CCDC148: variants seen among roughly 807,000 people sequenced by gnomAD.
CCDC148 encodes coiled-coil domain-containing protein 148.
A neutral mutation model predicts 85.7 loss-of-function variants in CCDC148; 89 were observed. The ratio of observed to expected loss-of-function variants is 1.04; its 90% CI spans 0.87 to 1.24. The LOEUF is 1.24. Ranked by LOEUF, CCDC148 falls within the 50% of genes most tolerant of loss-of-function variation. The pLI is 0.00. For synonymous variants in CCDC148, 230 were observed against 213.9 expected, an observed-to-expected ratio of 1.08 and a Z score of -0.66; for missense variants, 692 against 671.7, an observed-to-expected ratio of 1.03 and a Z score of -0.33.
At chr2:158,226,704 C>A (rs1194703903) in intron 10 of CCDC148, among the ~76,000 whole-genome samples, 1 of 152,112 alleles carries the variant, frequency 6.6e-6, no homozygotes, top group African/African-American at 2.4e-5. Flanking sequence ...ACGACAAAAA[C>A]CACATGATTA....
At chr2:158,425,029 C>A in intron 1 of CCDC148, 1 of 424,992 alleles carries the variant, frequency 2.4e-6, no homozygotes, top group Non-Finnish European at 4.7e-6. Flanking sequence ...GGTGCTGCAA[C>A]CAGTGAATGA....
chr2:158,254,331 G>GATATAC, intron 9 of CCDC148, among the ~76,000 whole-genome samples: 1 of 151,596 alleles, frequency 6.6e-6, no homozygotes, highest in South Asian at 2.1e-4. Context: ...TAACGTTAGA[G>GATATAC]ATATACACTT....
At chr2:158,179,465 G>C (rs6437146) in intron 11 of CCDC148, among the ~76,000 whole-genome samples, 43,901 of 151,754 alleles carry the variant, frequency 0.29, 7,306 homozygotes, top group East Asian at 0.59. Context: ...AACAACCAGA[G>C]AAATACAGGA....
At chr2:158,326,933 T>A (rs977422193) in intron 7 of CCDC148, among the ~76,000 whole-genome samples, 2 of 152,180 alleles carry the variant, frequency 1.3e-5, no homozygotes, top group Non-Finnish European at 2.9e-5. Context: ...ATTGCTTTGA[T>A]TACTTAACTA....
intron 1 of CCDC148, among the ~76,000 whole-genome samples, chr2:158,359,482 T>C (rs1007899813): frequency 6.6e-6 from 1 of 152,144 alleles, no homozygotes; most frequent in African/African-American, 2.4e-5. Context: ...CTGAGGTGCC[T>C]GGCTCATCTC....
At chr2:158,296,706 A>G (rs1459437962) in intron 9 of CCDC148, among the ~76,000 whole-genome samples, 3 of 152,222 alleles carry the variant, frequency 2.0e-5, no homozygotes, top group African/African-American at 7.2e-5. Context: ...AGCCTCTTTT[A>G]AACTTTGTAA....
intron 11 of CCDC148, among the ~76,000 whole-genome samples, chr2:158,184,128 A>C (rs1010353743): frequency 1.3e-5 from 2 of 152,118 alleles, no homozygotes; most frequent in African/African-American, 4.8e-5. Context: ...GCATAAGCAA[A>C]GACCAATTTC....
intron 9 of CCDC148, among the ~76,000 whole-genome samples, chr2:158,252,018 C>T (rs1011931574): frequency 4.6e-5 from 7 of 151,744 alleles, no homozygotes; most frequent in Non-Finnish European, 8.9e-5. Context: ...AAATACTTAT[C>T]TGATCCATGT....
chr2:158,203,406 T>G (rs10210481), intron 11 of CCDC148, among the ~76,000 whole-genome samples: 42,593 of 152,080 alleles, frequency 0.28, 6,111 homozygotes, highest in Middle Eastern at 0.34. Context: ...ACCACGATGT[T>G]TGGGCATCAT....
Position 158,402,481 on chromosome 2 carries a change from G to A in CCDC148, c.26-43911C>T, listed in dbSNP as rs141384246. On this transcript the variant is annotated intron_variant, in intron 1 of 13. Coordinates refer to ENST00000283233, the MANE Select transcript of CCDC148 (RefSeq NM_138803.4). ...AAACCTGGACCAGCATAGCTAAAGA[G>A]ATCAGTTTTCCTGAGGTGTCAGGTA... 5.4e-3 allele frequency among the ~76,000 whole-genome samples: 820 copies of A among 151,568 alleles called. 9 individuals are homozygous for A. Among genetic ancestry groups the A allele is most frequent in the African/African-American group, 0.019 (770 of 41,368 alleles).
chr2:158,248,872 C>T (rs11897216), intron 10 of CCDC148, among the ~76,000 whole-genome samples: 7,347 of 152,092 alleles, frequency 0.048, 587 homozygotes, highest in African/African-American at 0.16. Flanking sequence ...CCTTTGGGTG[C>T]CTCAGCCATT....
chr2:158,217,368 G>GTATATATATATATATATATA (rs1558990175), intron 11 of CCDC148, among the ~76,000 whole-genome samples: 4 of 76,132 alleles, frequency 5.3e-5, no homozygotes, highest in African/African-American at 1.7e-4. Context: ...AATTTTGTGT[G>GTATATATATATATATATATA]TGTGTGTATA....
chr2:158,178,563 G>A (rs988754941), intron 12 of CCDC148, among the ~76,000 whole-genome samples: 7 of 152,232 alleles, frequency 4.6e-5, no homozygotes, highest in South Asian at 2.1e-4. Flanking sequence ...AGTAAAATTC[G>A]TAGACTAGAT....
chr2:158,282,898 C>T (rs1306270669), intron 9 of CCDC148, among the ~76,000 whole-genome samples: 27 of 152,160 alleles, frequency 1.8e-4, no homozygotes. Context: ...GCTACAGTAA[C>T]CAAAACAGCA....
chr2:158,406,325 A>C (rs1397928001), intron 1 of CCDC148, among the ~76,000 whole-genome samples: 1 of 152,110 alleles, frequency 6.6e-6, no homozygotes, highest in East Asian at 1.9e-4. Flanking sequence ...ACACAGAGGG[A>C]TGGCAATGGA....
At chr2:158,224,693 C>T (rs141881062) in intron 10 of CCDC148, among the ~76,000 whole-genome samples, 207 of 152,264 alleles carry the variant, frequency 1.4e-3, no homozygotes, top group African/African-American at 4.7e-3. Flanking sequence ...ATTTCATATC[C>T]AGCCAAACTA....
intron 1 of CCDC148, among the ~76,000 whole-genome samples, chr2:158,444,655 G>A (rs1359481714): frequency 6.6e-6 from 1 of 151,704 alleles, no homozygotes; most frequent in African/African-American, 2.4e-5. Context: ...GGTGGCACAT[G>A]CCTGTGGTCC....
intron 1 of CCDC148, among the ~76,000 whole-genome samples, chr2:158,429,033 A>G (rs1687205333): frequency 1.3e-5 from 2 of 152,014 alleles, no homozygotes; most frequent in South Asian, 2.1e-4. Context: ...AACTATCACA[A>G]GGACGGGAAA....
intron 9 of CCDC148, among the ~76,000 whole-genome samples, chr2:158,285,675 C>T (rs1051785881): frequency 1.5e-4 from 23 of 151,660 alleles, no homozygotes; most frequent in African/African-American, 4.6e-4. Flanking sequence ...GGACTACAGG[C>T]GCCCACCACC....
Sources: gnomAD v4.1 joint callset for allele counts (sites outside exome capture counted in the v4.1 genomes callset) on GRCh38, gnomAD v4.1.1 for gene constraint, MANE v1.5 for transcripts, NCBI Gene and HGNC (gene_info 2026-07-23, HGNC 2026-07-21) for gene names.